Variants in DGLUCY observed in about 807,000 individuals in gnomAD.
DGLUCY encodes D-glutamate cyclase.
In DGLUCY, 58 loss-of-function variants were observed where a neutral mutation model predicts 58.5. The ratio of observed to expected loss-of-function variants is 0.99; its 90% CI spans 0.80 to 1.23. The LOEUF is 1.23. DGLUCY is among the 50% of genes most tolerant of loss of function. The pLI is 0.00. For synonymous variants in DGLUCY, 325 were observed against 314.1 expected, an observed-to-expected ratio of 1.03 and a Z score of -0.37; for missense variants, 779 against 784.7, an observed-to-expected ratio of 0.99 and a Z score of 0.09.
intron 1 of DGLUCY, among the ~76,000 whole-genome samples, chr14:91,098,899 C>T (rs1378375261): frequency 1.3e-5 from 2 of 151,986 alleles, no homozygotes; most frequent in Non-Finnish European, 2.9e-5. Context: ...GTAATAGGCT[C>T]CTATAAATAT....
intron 1 of DGLUCY, among the ~76,000 whole-genome samples, chr14:91,157,117 GGGTGGATGGATGGA>G (rs2047673377): frequency 7.2e-6 from 1 of 138,776 alleles, no homozygotes; most frequent in African/African-American, 2.7e-5. Flanking sequence ...ATGGATGGAT[GGGTGGATGGATGGA>G]TGGATGGATG....
rs115461884 is a variant in DGLUCY at position 91,167,451 on chromosome 14, C to T, written c.257+73C>T. The T allele has an allele frequency of 5.6e-4, 885 of 1,582,178 alleles. 7 individuals are homozygous for T. In the African/African-American group the frequency reaches 0.011, roughly 19 times the overall value. ...GCTGTAGCCAGGTGTCTCTGTCATC[C>T]GGGACCTCTCTGTCCAGCCTCAGGG... On this transcript the variant is annotated intron_variant, in intron 4 of 13. Transcript: ENST00000256324.
intron 1 of DGLUCY, among the ~76,000 whole-genome samples, chr14:91,101,450 A>T (rs2044485409): frequency 6.6e-6 from 1 of 152,200 alleles, no homozygotes; most frequent in South Asian, 2.1e-4. Context: ...CCTCTTGGCG[A>T]TAGCCTGGCC....
intron 1 of DGLUCY, among the ~76,000 whole-genome samples, chr14:91,101,809 T>C (rs1439699199): frequency 6.6e-6 from 1 of 152,172 alleles, no homozygotes; most frequent in Non-Finnish European, 1.5e-5. Flanking sequence ...ATCCTCCCAT[T>C]TCAGCCTCTC....
intron 12 of DGLUCY, among the ~76,000 whole-genome samples, chr14:91,212,386 T>C (rs1271461204): frequency 6.6e-6 from 1 of 152,170 alleles, no homozygotes; most frequent in African/African-American, 2.4e-5. Flanking sequence ...GGCATCTCTG[T>C]GTCTGTTTCC....
At chr14:91,217,386 T>G (rs1188471213) in intron 13 of DGLUCY, among the ~76,000 whole-genome samples, 1 of 151,896 alleles carries the variant, frequency 6.6e-6, no homozygotes. Context: ...GAGCCCGAGA[T>G]TGGGTGGGTG....
rs34785372 is a variant in DGLUCY, at chr14:91,160,417, T to TA, written c.103+44dup. On this transcript the variant is annotated intron_variant, in intron 3 of 13. Coordinates refer to ENST00000256324, the MANE Select transcript of DGLUCY (RefSeq NM_001102368.3). ...CTGGAGGTAAGTGGTGCCAGATAGT[T>TA]AAAAAAAAAAAAAAAAAAAAAAAAG... is the stretch of plus-strand genomic sequence containing the variant. The TA allele has an allele frequency of 7.4e-3, 4,263 of 576,484 alleles. 9 individuals carry two copies. The highest frequency in any genetic ancestry group is 0.032 in the African/African-American group (1,114 of 34,280). 35.7% of individuals were successfully genotyped at this position (576,484 alleles called of 1,614,324 possible).
At chr14:91,197,074 C>T (rs1208885982) in intron 10 of DGLUCY, among the ~76,000 whole-genome samples, 2 of 152,280 alleles carry the variant, frequency 1.3e-5, no homozygotes, top group Admixed American at 1.3e-4. Context: ...GCCAGTGATT[C>T]TCCTGCCTCA....
chr14:91,131,838 C>T (rs1160761211), intron 1 of DGLUCY, among the ~76,000 whole-genome samples: 1 of 152,094 alleles, frequency 6.6e-6, no homozygotes, highest in African/African-American at 2.4e-5. Context: ...CTCTTGTTGC[C>T]CAGGCTGGAG....
chr14:91,130,398 C>G (rs1356290761), intron 1 of DGLUCY, among the ~76,000 whole-genome samples: 1 of 151,408 alleles, frequency 6.6e-6, no homozygotes, highest in Non-Finnish European at 1.5e-5. Context: ...ACCTCCGCCT[C>G]CTGGGTTCAA....
intron 1 of DGLUCY, among the ~76,000 whole-genome samples, chr14:91,120,662 CA>C (rs1192799663): frequency 6.6e-6 from 1 of 152,200 alleles, no homozygotes; most frequent in Admixed American, 6.5e-5. Context: ...CCACCTGCCT[CA>C]GCCTCCCAAA....
chr14:91,076,829 G>A (rs1198200484), intron 1 of DGLUCY, among the ~76,000 whole-genome samples: 1 of 152,116 alleles, frequency 6.6e-6, no homozygotes, highest in Non-Finnish European at 1.5e-5. Flanking sequence ...CATGAGGGAG[G>A]GAGTTACGGG....
intron 3 of DGLUCY, among the ~76,000 whole-genome samples, chr14:91,164,981 G>A (rs1394228031): frequency 6.6e-6 from 1 of 152,180 alleles, no homozygotes; most frequent in Non-Finnish European, 1.5e-5. Flanking sequence ...TGGGAGTCAG[G>A]GACTACAGCC....
At chr14:91,064,678 A>G (rs1231627528) in intron 1 of DGLUCY, among the ~76,000 whole-genome samples, 1 of 151,312 alleles carries the variant, frequency 6.6e-6, no homozygotes, top group Non-Finnish European at 1.5e-5. Context: ...GTGGAGCTAG[A>G]GGTAGAAAAG....
intron 12 of DGLUCY, among the ~76,000 whole-genome samples, chr14:91,209,492 G>A (rs1437776374): frequency 6.6e-6 from 1 of 151,950 alleles, no homozygotes; most frequent in Non-Finnish European, 1.5e-5. Context: ...GGTGGATCAC[G>A]AGGTCAGGAG....
At chr14:91,182,697 G>A (rs1308186340) in intron 8 of DGLUCY, among the ~76,000 whole-genome samples, 1 of 152,150 alleles carries the variant, frequency 6.6e-6, no homozygotes, top group Admixed American at 6.5e-5. Flanking sequence ...CAGGGATAGT[G>A]ATGGGGTAGG....
chr14:91,081,211 AAC>A (rs2044120402), intron 1 of DGLUCY, among the ~76,000 whole-genome samples: 1 of 130,254 alleles, frequency 7.7e-6, no homozygotes, highest in Non-Finnish European at 1.6e-5. Context: ...TCAAAAAAAA[AAC>A]AAAAAAAAAA....
chr14:91,191,991 A>G (rs1005666542), intron 9 of DGLUCY, among the ~76,000 whole-genome samples: 2 of 152,184 alleles, frequency 1.3e-5, no homozygotes, highest in African/African-American at 2.4e-5. Context: ...AGCAAATACC[A>G]TATGGTCTAG....
upstream of DGLUCY, among the ~76,000 whole-genome samples, chr14:91,113,529 A>T (rs1254945088): frequency 1.3e-5 from 2 of 152,206 alleles, no homozygotes; most frequent in Non-Finnish European, 2.9e-5. Flanking sequence ...AGAGCAGCCA[A>T]GCAAGATAAG....
Sources: gnomAD v4.1 joint callset for allele counts (sites outside exome capture counted in the v4.1 genomes callset) on GRCh38, gnomAD v4.1.1 for gene constraint, MANE v1.5 for transcripts, NCBI Gene and HGNC (gene_info 2026-07-23, HGNC 2026-07-21) for gene names.